The following CBX5 variants were observed in gnomAD, a reference collection of about 807,000 sequenced individuals.
CBX5 encodes the protein chromobox 5.
In CBX5, 7 loss-of-function variants were observed where a neutral mutation model predicts 20.7. The observed-to-expected ratio is 0.34, with a 90% CI of 0.19 to 0.63. The LOEUF (loss-of-function observed/expected upper bound fraction) is 0.63. CBX5 is among the 30% of genes least tolerant of loss of function. The pLI, the probability that CBX5 is intolerant of heterozygous loss-of-function variation, is 0.75. For synonymous variants in CBX5, 78 were observed against 77.0 expected, an observed-to-expected ratio of 1.01 and a Z score of -0.07; for missense variants, 110 against 224.1, an observed-to-expected ratio of 0.49 and a Z score of 3.25.
intron 2 of CBX5, among the ~76,000 whole-genome samples, chr12:54,253,227 C>G (rs1943826622): frequency 1.3e-5 from 2 of 151,842 alleles, no homozygotes; most frequent in South Asian, 4.1e-4. Flanking sequence ...CCAGCCTGGT[C>G]AATATTGCAA....
Position 54,244,206 on chromosome 12 carries a change from G to A in CBX5, c.425+1909C>T, listed in dbSNP as rs533982348. 3.1e-4 allele frequency among the ~76,000 whole-genome samples: 46 copies of A among 150,278 alleles called. No individual in the cohort carries two copies. The South Asian group carries it at 4.7e-3, about 15-fold the overall frequency. On this transcript the variant is annotated intron_variant, in intron 4 of 4. Transcript: ENST00000209875. ...TTTTTAGTAGACACGGGGTTTCACC[G>A]TGTTAGCCAGGATGGTCTTGATCTC... is the stretch of plus-strand genomic sequence containing the variant.
In CBX5 at chr12:54,241,799, G is replaced by A; in HGVS notation, c.532C>T (p.Pro178Ser). ...TTCTCTTTGTTTTCCGCATCCTCAGGATATGCATGCCATGTCAGTCTCTCT... is the reference window on the plus strand; with the variant it reads ...TTCTCTTTGTTTTCCGCATCCTCAGAATATGCATGCCATGTCAGTCTCTCT... ...YEERLTWHAYPEDAENKEKET... is the reference protein window; with the variant it reads ...YEERLTWHAYSEDAENKEKET... Residue 178 changes from proline (P) to serine (S), a missense_variant, in exon 5 of 5, where the codon CCT (proline) becomes TCT (serine). Physicochemically the swap from Pro to Ser is moderately conservative, Grantham distance 74. This residue lies in a region of CBX5 where 31 missense variants were observed against 84.9 expected (regional missense o/e 0.37). Coordinates refer to ENST00000209875, the MANE Select transcript of CBX5 (RefSeq NM_012117.3). The A allele has an allele frequency of 1.2e-6, 2 of 1,613,312 alleles. No individual in the cohort carries two copies. Among genetic ancestry groups the A allele is most frequent in the East Asian group, 2.2e-5 (1 of 44,842 alleles).
intron 1 of CBX5, chr12:54,273,748 G>A (rs945484915): frequency 6.6e-6 from 1 of 152,200 alleles, no homozygotes. Flanking sequence ...AGAGCCTCCA[G>A]AGGGGCCTCA....
rs184795322 is a variant in CBX5, at chr12:54,269,803, T to A, written c.-43+10205A>T. Reference sequence around the variant, plus strand: ...CTTTTTGCCTGTAGAGAGGTCTCATTATGTTTCCTGGGCTGGTCTTGAACT... The same window carrying A: ...CTTTTTGCCTGTAGAGAGGTCTCATAATGTTTCCTGGGCTGGTCTTGAACT... On this transcript the variant is annotated intron_variant, in intron 1 of 4. Coordinates refer to ENST00000209875, the MANE Select transcript of CBX5 (RefSeq NM_012117.3). Among the ~76,000 whole-genome samples, 495 of 152,270 alleles carry A rather than the reference T, an allele frequency of 3.3e-3. 2 individuals are homozygous for A. Among genetic ancestry groups the A allele is most frequent in the African/African-American group, 0.012 (479 of 41,542 alleles).
At chr12:54,261,758 G>A (rs1443976831) in intron 1 of CBX5, among the ~76,000 whole-genome samples, 1 of 152,098 alleles carries the variant, frequency 6.6e-6, no homozygotes, top group Non-Finnish European at 1.5e-5. Context: ...TGATTAACTT[G>A]CCATGTGTTA....
intron 4 of CBX5, among the ~76,000 whole-genome samples, chr12:54,244,256 G>A (rs574420170): frequency 9.3e-5 from 14 of 151,108 alleles, no homozygotes; most frequent in African/African-American, 2.9e-4. Context: ...CGCCCGTCTC[G>A]GCGTCTCGGC....
At chr12:54,263,688 G>A (rs1220945184) in intron 1 of CBX5, among the ~76,000 whole-genome samples, 1 of 149,228 alleles carries the variant, frequency 6.7e-6, no homozygotes, top group African/African-American at 2.5e-5. Flanking sequence ...TCGCTTAAAC[G>A]GGAGGCGGAG....
intron 1 of CBX5, among the ~76,000 whole-genome samples, chr12:54,279,515 G>C (rs1489533349): frequency 6.6e-6 from 1 of 152,084 alleles, no homozygotes; most frequent in Non-Finnish European, 1.5e-5. Context: ...ACCCCAAATC[G>C]AAGACCTCCC....
At chr12:54,263,956 T>C (rs1943936876) in intron 1 of CBX5, among the ~76,000 whole-genome samples, 1 of 148,240 alleles carries the variant, frequency 6.7e-6, no homozygotes, top group African/African-American at 2.5e-5. Context: ...GGCAAAAGAA[T>C]GGTGTGAACC....
intron 1 of CBX5, chr12:54,274,289 C>T (rs1201333449): frequency 6.6e-6 from 1 of 152,204 alleles, no homozygotes; most frequent in African/African-American, 2.4e-5. Flanking sequence ...GAACTCTTCT[C>T]AGGATGACCT....
At chr12:54,276,499 C>T (rs1026521822) in intron 1 of CBX5, 35 of 152,286 alleles carry the variant, frequency 2.3e-4, no homozygotes, top group African/African-American at 8.4e-4. Flanking sequence ...CTACTGAATG[C>T]AAATTGCTTT....
At chr12:54,269,697 G>A (rs932314501) in intron 1 of CBX5, among the ~76,000 whole-genome samples, 3 of 152,098 alleles carry the variant, frequency 2.0e-5, no homozygotes, top group Admixed American at 1.3e-4. Context: ...TGGGCCTGGC[G>A]TTTTCTTTGT....
At chr12:54,259,054 G>A (rs1016669122) in intron 1 of CBX5, among the ~76,000 whole-genome samples, 1 of 152,132 alleles carries the variant, frequency 6.6e-6, no homozygotes, top group South Asian at 2.1e-4. Context: ...TGCCCTATAA[G>A]ACTAAGTTTT....
intron 1 of CBX5, among the ~76,000 whole-genome samples, chr12:54,279,719 G>A (rs1159176699): frequency 6.6e-6 from 1 of 152,152 alleles, no homozygotes; most frequent in African/African-American, 2.4e-5. Flanking sequence ...TGCTCAGAAG[G>A]GGAAAACCCG....
intron 4 of CBX5, among the ~76,000 whole-genome samples, chr12:54,244,912 T>C (rs888238630): frequency 6.6e-5 from 10 of 152,122 alleles, no homozygotes; most frequent in Non-Finnish European, 1.0e-4. Flanking sequence ...AAAGCCTCAT[T>C]TGATTCCTAG....
intron 1 of CBX5, among the ~76,000 whole-genome samples, chr12:54,270,469 C>T (rs2137030408): frequency 6.6e-6 from 1 of 151,206 alleles, no homozygotes; most frequent in Non-Finnish European, 1.5e-5. Flanking sequence ...GACTAGGTCT[C>T]ACTATGTTGC....
At chr12:54,244,868 A>G (rs556900040) in intron 4 of CBX5, among the ~76,000 whole-genome samples, 2 of 152,250 alleles carry the variant, frequency 1.3e-5, no homozygotes, top group South Asian at 2.1e-4. Context: ...TCTTTTAGAC[A>G]TTATTCAGCA....
At position 54,231,473 on chromosome 12, in the gene CBX5, A is replaced by G. The variant is rs1465453741; in HGVS notation, c.*10282T>C. On this transcript the variant is annotated 3_prime_UTR_variant, in exon 5 of 5. Transcript: ENST00000209875. ...AGTGCTGGGTGAACAGTGAGAGCAGAGTCCACAAAACACAGAGAACCAGAA... is the reference window on the plus strand; with the variant it reads ...AGTGCTGGGTGAACAGTGAGAGCAGGGTCCACAAAACACAGAGAACCAGAA... The G allele has an allele frequency of 4.5e-5, 7 of 154,686 alleles. No homozygotes were observed. The highest frequency in any genetic ancestry group is 5.1e-4 in the Middle Eastern group (1 of 1,944). The allele number at this position is 154,686 out of a possible 1,614,324, so 9.6% of individuals were successfully genotyped here. A position where few individuals can be genotyped will look rare whatever the true frequency, so the allele number is the denominator to read the frequency against.
chr12:54,249,489 TG>T (rs967495766), intron 3 of CBX5, among the ~76,000 whole-genome samples: 14 of 151,796 alleles, frequency 9.2e-5, no homozygotes, highest in Admixed American at 7.2e-4. Context: ...TGAGAACTAA[TG>T]CTCTAGAAAG....
Sources: gnomAD v4.1 joint callset for allele counts (sites outside exome capture counted in the v4.1 genomes callset) on GRCh38, gnomAD v4.1.1 for gene constraint, gnomAD v4.1.1 regional missense constraint, MANE v1.5 for transcripts, NCBI Gene and HGNC (gene_info 2026-07-23, HGNC 2026-07-21) for gene names.